EDIL3: variants seen among roughly 807,000 people sequenced by gnomAD.
EDIL3 encodes EGF-like repeat and discoidin I-like domain-containing protein 3.
In EDIL3, 37 loss-of-function variants were observed where a neutral mutation model predicts 67.4. The ratio of observed to expected loss-of-function variants is 0.55; its 90% confidence interval spans 0.42 to 0.72. EDIL3 has a LOEUF of 0.72. Ranked by LOEUF, EDIL3 falls within the 30% of genes least tolerant of loss-of-function variation. EDIL3 has a pLI of 0.00. For missense variants in EDIL3, 527 were observed against 586.3 expected, an observed-to-expected ratio of 0.90 and a Z score of 1.04; for synonymous variants, 195 against 196.3, an observed-to-expected ratio of 0.99 and a Z score of 0.05.
chr5:84,324,707 T>A (rs1456128667), intron 1 of EDIL3, among the ~76,000 whole-genome samples: 1 of 151,664 alleles, frequency 6.6e-6, no homozygotes, highest in African/African-American at 2.4e-5. Flanking sequence ...ATTATTAAAA[T>A]CAGAAATCAG....
At chr5:84,162,417 T>G (rs1748629713) in intron 4 of EDIL3, among the ~76,000 whole-genome samples, 1 of 152,076 alleles carries the variant, frequency 6.6e-6, no homozygotes, top group Non-Finnish European at 1.5e-5. Context: ...CATTCTCTAG[T>G]TTCTTTTGAC....
chr5:84,141,881 C>A (rs1377848209), intron 4 of EDIL3, among the ~76,000 whole-genome samples: 1 of 144,440 alleles, frequency 6.9e-6, no homozygotes, highest in South Asian at 2.2e-4. Context: ...TGTGAGAAGC[C>A]TACTCCAGTA....
chr5:84,365,320 G>A (rs1255369358), intron 1 of EDIL3, among the ~76,000 whole-genome samples: 2 of 152,040 alleles, frequency 1.3e-5, no homozygotes, highest in Non-Finnish European at 2.9e-5. Flanking sequence ...TAGAAACTTA[G>A]CTCTAAAACA....
intron 3 of EDIL3, among the ~76,000 whole-genome samples, chr5:84,211,389 C>T (rs572464274): frequency 9.2e-5 from 14 of 152,308 alleles, no homozygotes; most frequent in African/African-American, 3.4e-4. Context: ...ATGCAGATGC[C>T]AGCACTATGC....
intron 1 of EDIL3, among the ~76,000 whole-genome samples, chr5:84,380,518 T>C (rs538475703): frequency 2.6e-5 from 4 of 152,258 alleles, no homozygotes; most frequent in African/African-American, 9.6e-5. Flanking sequence ...ACTGTTTCTT[T>C]GGAAGAGATA....
At chr5:84,250,856 A>G (rs956426011) in intron 2 of EDIL3, among the ~76,000 whole-genome samples, 1 of 152,346 alleles carries the variant, frequency 6.6e-6, no homozygotes, top group East Asian at 1.9e-4. Flanking sequence ...CTCAAAATTC[A>G]TATGGTCTGA....
At chr5:84,144,284 TC>T (rs1318681478) in intron 4 of EDIL3, among the ~76,000 whole-genome samples, 3 of 149,866 alleles carry the variant, frequency 2.0e-5, no homozygotes. Flanking sequence ...CTTCCTTCCT[TC>T]CTTCCTTCCT....
At chr5:84,097,284 A>G (rs1363709450) in intron 6 of EDIL3, among the ~76,000 whole-genome samples, 1 of 152,176 alleles carries the variant, frequency 6.6e-6, no homozygotes, top group Non-Finnish European at 1.5e-5. Context: ...ACTAGAACTG[A>G]AAAAACAACT....
At chr5:84,252,111 C>T (rs560822830) in intron 2 of EDIL3, among the ~76,000 whole-genome samples, 1 of 152,250 alleles carries the variant, frequency 6.6e-6, no homozygotes, top group Admixed American at 6.5e-5. Context: ...TAAAGTGTTG[C>T]TGCCCATAGT....
At chr5:84,300,158 G>A (rs1746126738) in intron 1 of EDIL3, among the ~76,000 whole-genome samples, 1 of 152,214 alleles carries the variant, frequency 6.6e-6, no homozygotes, top group South Asian at 2.1e-4. Context: ...CTAGGGGGAA[G>A]AATGTGTTTT....
At chr5:84,270,296 T>A (rs1054932619) in intron 1 of EDIL3, among the ~76,000 whole-genome samples, 6 of 152,172 alleles carry the variant, frequency 3.9e-5, no homozygotes, top group Admixed American at 3.9e-4. Context: ...TGATGGGCCA[T>A]GAATGTTAAA....
At chr5:84,311,582 G>C (rs1189752806) in intron 1 of EDIL3, among the ~76,000 whole-genome samples, 1 of 148,890 alleles carries the variant, frequency 6.7e-6, no homozygotes, top group African/African-American at 2.5e-5. Flanking sequence ...TTTTTTTATT[G>C]ATCATTCTTG....
intron 4 of EDIL3, among the ~76,000 whole-genome samples, chr5:84,176,148 GT>G (rs981808663): frequency 1.6e-4 from 21 of 129,428 alleles, no homozygotes; most frequent in Middle Eastern, 4.2e-3. Flanking sequence ...GTTTTTGATT[GT>G]TTTTTTCTGG....
intron 3 of EDIL3, among the ~76,000 whole-genome samples, chr5:84,222,328 A>G (rs1029296250): frequency 2.1e-4 from 32 of 151,960 alleles, no homozygotes; most frequent in African/African-American, 7.5e-4. Flanking sequence ...ATATGAAAAT[A>G]GTATTTTTCT....
At chr5:84,026,912 C>T (rs187357898) in intron 9 of EDIL3, among the ~76,000 whole-genome samples, 1 of 152,032 alleles carries the variant, frequency 6.6e-6, no homozygotes, top group East Asian at 1.9e-4. Flanking sequence ...TGGCAAAACC[C>T]GTCTCTACTT....
chr5:84,050,441 C>T (rs1211301724), intron 9 of EDIL3, among the ~76,000 whole-genome samples: 8 of 152,160 alleles, frequency 5.3e-5, no homozygotes, highest in Admixed American at 5.2e-4. Flanking sequence ...AGGTTCATCT[C>T]ACTGGGGAGT....
intron 5 of EDIL3, among the ~76,000 whole-genome samples, chr5:84,126,751 G>T (rs1022972287): frequency 1.3e-5 from 2 of 152,014 alleles, no homozygotes; most frequent in Non-Finnish European, 2.9e-5. Context: ...GGACACTTCT[G>T]TCCACCTATC....
chr5:84,274,108 A>T (rs886890314), intron 1 of EDIL3, among the ~76,000 whole-genome samples: 4 of 151,958 alleles, frequency 2.6e-5, no homozygotes, highest in Non-Finnish European at 5.9e-5. Context: ...TTATTTATTT[A>T]TTTTTTATTT....
chr5:84,053,457 T>A (rs1167916004), intron 9 of EDIL3, among the ~76,000 whole-genome samples: 14 of 151,982 alleles, frequency 9.2e-5, no homozygotes, highest in Non-Finnish European at 1.2e-4. Context: ...ATAACTAAGA[T>A]CAGAGCAGAA....
Sources: allele counts gnomAD v4.1 joint callset (sites outside exome capture counted in the v4.1 genomes callset), GRCh38; gene constraint gnomAD v4.1.1; transcripts MANE v1.5; gene names NCBI Gene and HGNC (gene_info 2026-07-23, HGNC 2026-07-21).